Variants in CC2D2B observed in about 807,000 individuals in gnomAD.
CC2D2B encodes coiled-coil and C2 domain containing 2B.
Under a neutral mutation model 161.2 loss-of-function variants are expected in CC2D2B, and 128 were observed. The observed-to-expected ratio is 0.79, with a 90% CI of 0.69 to 0.92. The LOEUF is 0.92. Among genes scored for constraint, CC2D2B ranks in the 40% least tolerant of loss-of-function variants. CC2D2B has a pLI of 0.00. For synonymous variants in CC2D2B, 391 were observed against 449.8 expected (o/e 0.87, Z 1.65); for missense variants, 1,173 against 1,375.1 (o/e 0.85, Z 2.32).
intron 34 of CC2D2B, among the ~76,000 whole-genome samples, chr10:96,029,103 A>G (rs1042451834): frequency 6.6e-6 from 1 of 151,688 alleles, no homozygotes; most frequent in Admixed American, 6.6e-5. Context: ...GTACATTTAA[A>G]AATAACTAAA....
intron 6 of CC2D2B, among the ~76,000 whole-genome samples, chr10:95,937,260 G>C (rs1005667896): frequency 6.6e-6 from 1 of 151,844 alleles, no homozygotes; most frequent in Non-Finnish European, 1.5e-5. Context: ...GAAAACTGAG[G>C]GATTTTTGTC....
At chr10:96,009,692 C>A in intron 25 of CC2D2B, 133 bp from the exon 26 acceptor site, 2 of 463,628 alleles carry the variant, frequency 4.3e-6, no homozygotes, top group East Asian at 3.4e-5. Context: ...GCAAGAAAAA[C>A]AGATCTTTTC....
intron 32 of CC2D2B, chr10:96,020,809 G>A (rs1479544048): frequency 6.6e-6 from 1 of 152,246 alleles, no homozygotes; most frequent in Non-Finnish European, 1.5e-5. Context: ...AAGCCATGAG[G>A]ATCACTTGAG....
chr10:95,938,355 A>G, intron 7 of CC2D2B, 166 bp downstream of exon 7: 2 of 613,218 alleles, frequency 3.3e-6, no homozygotes, highest in South Asian at 4.3e-5. Context: ...GATTAAGAGA[A>G]CTCATTCTTC....
rs952117155 is a variant in CC2D2B at position 96,027,442 on chromosome 10, T to C, written c.4125+53T>C. ...ACATTTGTTTTATATATGTTGTTAA[T>C]TGCTAAATAATAGCAGTCTTAAATA... is the stretch of plus-strand genomic sequence containing the variant. On this transcript the variant is annotated intron_variant, in intron 34 of 34. Transcript: ENST00000646931. 3.1e-6 allele frequency: 4 copies of C among 1,289,666 alleles called. No individual in the cohort carries two copies. The South Asian group carries it at 4.5e-5, about 15-fold the overall frequency. The allele number at this position is 1,289,666 out of a possible 1,614,324, so 79.9% of individuals were successfully genotyped here.
chr10:95,976,732 G>C, intron 17 of CC2D2B, among the ~76,000 whole-genome samples: 1 of 152,218 alleles, frequency 6.6e-6, no homozygotes, highest in Non-Finnish European at 1.5e-5. Flanking sequence ...AACCGAAAGA[G>C]AGTCTCAGAA....
intron 19 of CC2D2B, among the ~76,000 whole-genome samples, chr10:95,987,517 A>G (rs2077778517): frequency 1.3e-5 from 2 of 152,250 alleles, no homozygotes; most frequent in South Asian, 4.1e-4. Context: ...TTATTTTTGT[A>G]TAGTCTTTAA....
Position 95,947,078 on chromosome 10 carries a change from C to CAAAAAAAAAA in CC2D2B, c.802-2813_802-2812insAAAAAAAAAA, listed in dbSNP as rs368168752. ...GTGCATAAATTCCAAATAGTGGACT[C>CAAAAAAAAAA]AAAAATATATATATATATATATATA... On this transcript the variant is annotated intron_variant, in intron 9 of 34. Transcript: ENST00000646931. 6.6e-3 allele frequency among the ~76,000 whole-genome samples: 340 copies of CAAAAAAAAAA among 51,508 alleles called. 3 individuals are homozygous for CAAAAAAAAAA. Among genetic ancestry groups the CAAAAAAAAAA allele is most frequent in the South Asian group, 0.02 (37 of 1,832 alleles). 33.8% of individuals were successfully genotyped at this position (51,508 alleles called of 152,430 possible).
intron 14 of CC2D2B, among the ~76,000 whole-genome samples, chr10:95,966,647 C>T (rs1273927037): frequency 2.6e-5 from 4 of 151,818 alleles, no homozygotes; most frequent in African/African-American, 9.7e-5. Context: ...TTTTGTTTTG[C>T]TATGTTAGTA....
chr10:95,922,823 G>A (rs2098530192), intron 3 of CC2D2B, among the ~76,000 whole-genome samples: 1 of 151,966 alleles, frequency 6.6e-6, no homozygotes, highest in Admixed American at 6.6e-5. Flanking sequence ...TTAAGAAACA[G>A]AGTCTTGCTC....
chr10:95,937,599 T>C (rs758154455), intron 6 of CC2D2B, among the ~76,000 whole-genome samples: 1 of 152,092 alleles, frequency 6.6e-6, no homozygotes, highest in Non-Finnish European at 1.5e-5. Flanking sequence ...TAGGTGGTAC[T>C]GTTTTCTGAA....
chr10:95,993,946 GTATGTGTATATATATATA>G (rs1284486352), intron 22 of CC2D2B, among the ~76,000 whole-genome samples: 1,561 of 28,934 alleles, frequency 0.054, 127 homozygotes, highest in African/African-American at 0.12. Flanking sequence ...GTGTGTGTAT[GTATGTGTATATATATATA>G]TATATATATA....
At chr10:95,918,830 T>C (rs2098521421) in intron 2 of CC2D2B, 1 of 152,172 alleles carries the variant, frequency 6.6e-6, no homozygotes, top group South Asian at 2.1e-4. Flanking sequence ...CCTCTGACTG[T>C]GTATTTTCAA....
chr10:96,012,697 G>A lies in CC2D2B; in HGVS notation c.3394G>A (p.Asp1132Asn). Residue 1132 changes from aspartate to asparagine, a missense_variant, in exon 28 of 35, where the codon GAT (aspartate) becomes AAT (asparagine). This residue lies in a region of CC2D2B where 598 missense variants were observed against 693.2 expected (regional missense o/e 0.86). Coordinates refer to ENST00000646931, the MANE Select transcript of CC2D2B (RefSeq NM_001349008.3). ...ATTAAATCCACCTCAGCAACTTCTGGATATATTTCTTCACAATTCTAATGC... is the reference window on the plus strand; with the variant it reads ...ATTAAATCCACCTCAGCAACTTCTGAATATATTTCTTCACAATTCTAATGC... ...KALNPPQQLL[D>N]IFLHNSNATF... is the part of the protein sequence containing the mutation. 6.2e-7 allele frequency: 1 copy of A among 1,605,746 alleles called. No homozygotes were observed. Among genetic ancestry groups the A allele is most frequent in the Non-Finnish European group, 8.5e-7 (1 of 1,172,648 alleles).
At chr10:95,971,415 A>G (rs1353680960) in intron 15 of CC2D2B, among the ~76,000 whole-genome samples, 2 of 151,698 alleles carry the variant, frequency 1.3e-5, no homozygotes, top group Non-Finnish European at 2.9e-5. Flanking sequence ...GAAAGAAAAA[A>G]GTTATAGTTA....
At chr10:95,938,219 G>T in intron 7 of CC2D2B, 30 bp downstream of exon 7, 1 of 1,393,180 alleles carries the variant, frequency 7.2e-7, no homozygotes, top group Non-Finnish European at 9.9e-7. Flanking sequence ...AAATATTCAA[G>T]TCATTAACGA....
rs112577420 is a variant in CC2D2B, at chr10:95,986,657, C to T, written c.2287-1593C>T. 4.0e-3 allele frequency among the ~76,000 whole-genome samples: 602 copies of T among 152,126 alleles called. 2 individuals carry two copies. Among genetic ancestry groups the T allele is most frequent in the African/African-American group, 7.9e-3 (328 of 41,540 alleles). ...TGTCGCACAGGCTGGAGTGCAATGG[C>T]GTGATCTCGGCTCAGTGCAACCTCC... On this transcript the variant is annotated intron_variant, in intron 19 of 34. Coordinates refer to ENST00000646931, the MANE Select transcript of CC2D2B (RefSeq NM_001349008.3).
intron 6 of CC2D2B, among the ~76,000 whole-genome samples, chr10:95,936,190 G>C (rs1461445885): frequency 6.6e-6 from 1 of 152,152 alleles, no homozygotes; most frequent in African/African-American, 2.4e-5. Flanking sequence ...AGTAAAGAGT[G>C]GGGCAAATGG....
At chr10:96,027,111 G>A (rs1014644051) in intron 33 of CC2D2B, 101 bp from the exon 34 acceptor site, 51 of 858,872 alleles carry the variant, frequency 5.9e-5, no homozygotes, top group East Asian at 1.5e-4. Flanking sequence ...GGACAAGAGC[G>A]AGACTTCGTC....
Sources: allele counts gnomAD v4.1 joint callset (sites outside exome capture counted in the v4.1 genomes callset), GRCh38; gene constraint gnomAD v4.1.1; regional missense constraint gnomAD v4.1.1; transcripts MANE v1.5; gene names NCBI Gene and HGNC (gene_info 2026-07-23, HGNC 2026-07-21).